CSMD3: variants seen among roughly 807,000 people sequenced by gnomAD.
CSMD3 encodes the protein CUB and sushi domain-containing protein 3.
Under a neutral mutation model 435.2 loss-of-function variants are expected in CSMD3, and 177 were observed. The ratio of observed to expected loss-of-function variants is 0.41; its 90% CI spans 0.36 to 0.46. CSMD3 has a LOEUF of 0.46. Among genes scored for constraint, CSMD3 ranks in the 20% least tolerant of loss-of-function variants. The pLI is 0.34. For missense variants in CSMD3, 4,265 were observed against 4,504.6 expected, an observed-to-expected ratio of 0.95 and a Z score of 1.52; for synonymous variants, 1,656 against 1,520.5, an observed-to-expected ratio of 1.09 and a Z score of -2.07.
At chr8:112,343,001 T>TTATATATATATATATATATATTTATATA (rs34740069) in intron 41 of CSMD3, among the ~76,000 whole-genome samples, 7 of 109,678 alleles carry the variant, frequency 6.4e-5, no homozygotes, top group African/African-American at 1.4e-4. Context: ...ATATATATAT[T>TTATATATATATATATATATATTTATATA]TATATATATA....
chr8:112,772,758 G>A (rs1330440995), intron 13 of CSMD3, among the ~76,000 whole-genome samples: 1 of 152,086 alleles, frequency 6.6e-6, no homozygotes, highest in Admixed American at 6.6e-5. Context: ...AACCGCCTTA[G>A]GGCTGGAGGT....
intron 10 of CSMD3, among the ~76,000 whole-genome samples, chr8:112,893,895 G>A (rs1564075289): frequency 6.6e-6 from 1 of 151,366 alleles, no homozygotes; most frequent in Non-Finnish European, 1.5e-5. Flanking sequence ...GATATGAAAG[G>A]TCAAGGCCTG....
intron 5 of CSMD3, among the ~76,000 whole-genome samples, chr8:113,029,005 T>C (rs1443611042): frequency 6.6e-6 from 1 of 151,526 alleles, no homozygotes; most frequent in Non-Finnish European, 1.5e-5. Flanking sequence ...GAGAAGTCAA[T>C]GCCTGGCTTA....
At chr8:112,929,707 T>C (rs2083043425) in intron 9 of CSMD3, among the ~76,000 whole-genome samples, 2 of 152,038 alleles carry the variant, frequency 1.3e-5, no homozygotes, top group South Asian at 4.1e-4. Flanking sequence ...GATAATGATA[T>C]ACTTTGATAG....
chr8:112,751,786 C>G (rs2077577493), intron 13 of CSMD3, among the ~76,000 whole-genome samples: 2 of 152,014 alleles, frequency 1.3e-5, no homozygotes, highest in South Asian at 4.2e-4. Flanking sequence ...CTACCAACTT[C>G]TATTTAAAGC....
Position 112,976,123 on chromosome 8 carries a change from G to A in CSMD3, c.1056C>T (p.Thr352=), listed in dbSNP as rs2084838404. 5 of 1,613,982 alleles carry A rather than the reference G, an allele frequency of 3.1e-6. No homozygotes were observed. Among genetic ancestry groups the A allele is most frequent in the Non-Finnish European group, 3.4e-6 (4 of 1,179,886 alleles). The change falls in exon 7 of 71, where the codon ACC becomes ACT. Residue 352 remains threonine (T), a synonymous_variant. Coordinates refer to ENST00000297405, the MANE Select transcript of CSMD3 (RefSeq NM_198123.2). ...TATGCTCCTCTAACTCACCAGTGGA[G>A]GTAGTGTGGGTCAATGTAGAAGAAC... is the stretch of plus-strand genomic sequence containing the variant. ...YQGSSTLTHT[T]STGELEEHNR...
intron 4 of CSMD3, among the ~76,000 whole-genome samples, chr8:113,152,757 T>C (rs566725586): frequency 1.3e-4 from 20 of 151,978 alleles, no homozygotes; most frequent in East Asian, 5.9e-4. Flanking sequence ...ATTGAGTGGA[T>C]TGCTTGAGGC....
chr8:113,216,622 G>A (rs1467079899), intron 3 of CSMD3, among the ~76,000 whole-genome samples: 1 of 151,846 alleles, frequency 6.6e-6, no homozygotes, highest in East Asian at 1.9e-4. Context: ...ATAAGTCAAG[G>A]TTTTCAGGAT....
intron 30 of CSMD3, among the ~76,000 whole-genome samples, chr8:112,502,359 A>G (rs2130907623): frequency 6.6e-6 from 1 of 152,254 alleles, no homozygotes; most frequent in South Asian, 2.1e-4. Context: ...TAACAAGGCC[A>G]TTTTCCTGCT....
chr8:112,839,182 G>C (rs934993201), intron 11 of CSMD3, among the ~76,000 whole-genome samples: 2 of 151,714 alleles, frequency 1.3e-5, no homozygotes, highest in Non-Finnish European at 3.0e-5. Context: ...TCATATTTTA[G>C]AGATGGGGTG....
chr8:112,827,207 A>ATATG (rs2079722410), intron 12 of CSMD3, among the ~76,000 whole-genome samples: 5 of 122,676 alleles, frequency 4.1e-5, no homozygotes, highest in South Asian at 2.6e-4. Context: ...ATATATATAT[A>ATATG]ATCTTTCTAC....
intron 63 of CSMD3, among the ~76,000 whole-genome samples, chr8:112,253,496 G>T (rs1815469780): frequency 6.6e-6 from 1 of 151,852 alleles, no homozygotes; most frequent in Non-Finnish European, 1.5e-5. Flanking sequence ...TGGTCTTCAG[G>T]TTCACGCTGA....
In CSMD3 at chr8:112,223,885, T is replaced by G. The variant is rs1359294707; in HGVS notation, c.*886A>C. 6.6e-6 allele frequency: 1 copy of G among 152,142 alleles called. No homozygotes were observed. The highest frequency in any genetic ancestry group is 1.5e-5 in the Non-Finnish European group (1 of 68,018). The allele number at this position is 152,142 out of a possible 1,614,324, so 9.4% of individuals were successfully genotyped here. A position where few individuals can be genotyped will look rare whatever the true frequency, so the allele number is the denominator to read the frequency against. On this transcript the variant is annotated 3_prime_UTR_variant, in exon 71 of 71. Coordinates refer to ENST00000297405, the MANE Select transcript of CSMD3 (RefSeq NM_198123.2). ...AATAAAGGATGGTAAGTTTGGTGTC[T>G]CAGATAACTGCAAAATAATAATTTT...
At chr8:112,835,330 C>G (rs2079991155) in intron 11 of CSMD3, among the ~76,000 whole-genome samples, 1 of 151,794 alleles carries the variant, frequency 6.6e-6, no homozygotes, top group Non-Finnish European at 1.5e-5. Context: ...TTTCTGAAGC[C>G]ATGCGGAATT....
At chr8:113,187,368 G>C (rs1197595387) in intron 3 of CSMD3, among the ~76,000 whole-genome samples, 1 of 151,682 alleles carries the variant, frequency 6.6e-6, no homozygotes, top group Non-Finnish European at 1.5e-5. Flanking sequence ...ACCAACCTCA[G>C]AACAGTGAAA....
intron 53 of CSMD3, among the ~76,000 whole-genome samples, chr8:112,301,187 AAATAT>A (rs1350024697): frequency 1.3e-5 from 2 of 152,060 alleles, no homozygotes; most frequent in Non-Finnish European, 2.9e-5. Context: ...ATAAAGCATA[AAATAT>A]AATATTTTCA....
At position 112,292,727 on chromosome 8, in the gene CSMD3, G is replaced by A. The variant is rs1183535515; in HGVS notation, c.8615-17C>T. 1.2e-6 allele frequency: 2 copies of A among 1,610,502 alleles called. No homozygotes were observed. Among genetic ancestry groups the A allele is most frequent in the Non-Finnish European group, 1.7e-6 (2 of 1,176,878 alleles). On this transcript the variant is annotated splice_polypyrimidine_tract_variant and intron_variant, in intron 54 of 70. Transcript: ENST00000297405. Reference sequence around the variant, plus strand: ...AGCTAACAGCTAATAAGATGTGGCAGGAGGACAGGGAAGGAAACACAGAAA... The same window carrying A: ...AGCTAACAGCTAATAAGATGTGGCAAGAGGACAGGGAAGGAAACACAGAAA...
chr8:112,661,424 C>A (rs180761369), intron 17 of CSMD3, among the ~76,000 whole-genome samples: 84 of 152,220 alleles, frequency 5.5e-4, no homozygotes, highest in African/African-American at 2.0e-3. Context: ...GAATTTTGGA[C>A]AGAGAAAATA....
chr8:112,921,682 A>G lies in CSMD3; in HGVS notation c.1578T>C (p.Cys526=), dbSNP rs200152175. Residue 526 remains cysteine, a synonymous_variant, in exon 10 of 71, where the codon TGT becomes TGC. Coordinates refer to ENST00000297405, the MANE Select transcript of CSMD3 (RefSeq NM_198123.2). The part of the protein sequence containing the change: ...YVLQGAKSIT[C]QRIAEVFAAW... ...CAGCAAAAACTTCAGCTATCCGTTG[A>G]CAGGTGATGCTCTTTGCGCCCTGTA... The G allele has an allele frequency of 2.6e-4, 419 of 1,612,438 alleles. 3 individuals are homozygous for G. In the South Asian group the frequency reaches 4.0e-3, roughly 15 times the overall value.
Sources: gnomAD v4.1 joint callset for allele counts (sites outside exome capture counted in the v4.1 genomes callset) on GRCh38, gnomAD v4.1.1 for gene constraint, MANE v1.5 for transcripts, NCBI Gene and HGNC (gene_info 2026-07-23, HGNC 2026-07-21) for gene names.